The following XIRP2 variants were observed in gnomAD, a reference collection of about 807,000 sequenced individuals.
The protein encoded by XIRP2 is xin actin-binding repeat-containing protein 2.
XIRP2 carries 236 observed loss-of-function variants against 277.0 expected under a neutral mutation model. The observed-to-expected ratio is 0.85, with a 90% CI of 0.77 to 0.95. The LOEUF is 0.95. XIRP2 is among the 40% of genes least tolerant of loss of function. The pLI is 0.00. For missense variants in XIRP2, 4,640 were observed against 4,157.5 expected, an observed-to-expected ratio of 1.12 and a Z score of -3.19; for synonymous variants, 1,490 against 1,416.5, an observed-to-expected ratio of 1.05 and a Z score of -1.17.
rs769513593 is a variant in XIRP2, at chr2:167,247,366, G to T, written c.5974G>T (p.Gly1992Trp). Residue 1992 changes from glycine to tryptophan, a missense_variant, in exon 9 of 11, where the codon GGG becomes TGG. Gly to Trp is a radical substitution (Grantham distance 184, BLOSUM62 -2). Transcript: ENST00000409195. ...ATTTGAGCCAGCGGCCAAGTGGCAA[G>T]GGGGAGCAGATACTCTCAGTCAAAC... ...GPFEPAAKWQGGADTLSQTMG... is the reference protein window; with the variant it reads ...GPFEPAAKWQWGADTLSQTMG... The T allele has an allele frequency of 3.1e-6, 5 of 1,613,768 alleles. No homozygotes were observed. The highest frequency in any genetic ancestry group is 1.1e-5 in the South Asian group (1 of 91,078).
At chr2:167,097,386 G>A (rs1217000487) in intron 2 of XIRP2, among the ~76,000 whole-genome samples, 1 of 150,890 alleles carries the variant, frequency 6.6e-6, no homozygotes, top group African/African-American at 2.4e-5. Flanking sequence ...TTTTTGTTTT[G>A]TTTTGTTTTT....
At chr2:167,172,338 C>A (rs192366240) in intron 3 of XIRP2, among the ~76,000 whole-genome samples, 5 of 152,194 alleles carry the variant, frequency 3.3e-5, no homozygotes, top group South Asian at 2.1e-4. Flanking sequence ...ATCACAGGAC[C>A]GGGGCAAAAT....
intron 2 of XIRP2, among the ~76,000 whole-genome samples, chr2:167,031,593 C>A (rs1239149648): frequency 6.6e-6 from 1 of 152,126 alleles, no homozygotes; most frequent in Non-Finnish European, 1.5e-5. Flanking sequence ...AGCTGATAAG[C>A]ATTTTCAGCA....
chr2:167,034,048 T>C (rs1688439587), intron 2 of XIRP2, among the ~76,000 whole-genome samples: 1 of 152,108 alleles, frequency 6.6e-6, no homozygotes, highest in South Asian at 2.1e-4. Context: ...AAGAGGAAAC[T>C]GTCAGAAATA....
intron 1 of XIRP2, among the ~76,000 whole-genome samples, chr2:166,898,700 C>A (rs1038664690): frequency 6.6e-6 from 1 of 152,064 alleles, no homozygotes; most frequent in Non-Finnish European, 1.5e-5. Context: ...GTAACCACCA[C>A]AGCAATCAAG....
chr2:167,196,489 A>T (rs1251080225), intron 3 of XIRP2, among the ~76,000 whole-genome samples: 1 of 150,244 alleles, frequency 6.7e-6, no homozygotes, highest in Non-Finnish European at 1.5e-5. Flanking sequence ...TTGTGTGTCT[A>T]GTCACTTACC....
chr2:167,172,407 C>T (rs1321868397), intron 3 of XIRP2, among the ~76,000 whole-genome samples: 1 of 152,152 alleles, frequency 6.6e-6, no homozygotes, highest in African/African-American at 2.4e-5. Context: ...TATCAGGAGA[C>T]AGGGTTTGAG....
At chr2:167,082,928 G>C (rs1203754303) in intron 2 of XIRP2, among the ~76,000 whole-genome samples, 1 of 152,144 alleles carries the variant, frequency 6.6e-6, no homozygotes, top group African/African-American at 2.4e-5. Context: ...CTTTTGCTGT[G>C]CAGAAGCTCT....
intron 2 of XIRP2, among the ~76,000 whole-genome samples, chr2:166,938,057 A>G (rs1371670691): frequency 6.6e-6 from 1 of 152,038 alleles, no homozygotes; most frequent in East Asian, 1.9e-4. Flanking sequence ...TCCTGGATTC[A>G]TTGATTTTTT....
chr2:167,246,701 C>G lies in XIRP2; in HGVS notation c.5309C>G (p.Thr1770Arg). 2 of 1,613,600 alleles carry G rather than the reference C, an allele frequency of 1.2e-6. No homozygotes were observed. Among genetic ancestry groups the G allele is most frequent in the Non-Finnish European group, 1.7e-6 (2 of 1,179,776 alleles). Reference sequence around the variant, plus strand: ...CACACAGAGTCAAATGAAACACTGACAGCTAAGAAACAAGAAGGAGAGAAA... The same window carrying G: ...CACACAGAGTCAAATGAAACACTGAGAGCTAAGAAACAAGAAGGAGAGAAA... ...QLHTESNETL[T>R]AKKQEGEKEI... Residue 1770 changes from threonine (T) to arginine (R), a missense_variant, in exon 9 of 11, where the codon ACA becomes AGA. Coordinates refer to ENST00000409195, the MANE Select transcript of XIRP2 (RefSeq NM_152381.6).
chr2:166,940,216 C>T (rs892707635), intron 2 of XIRP2, among the ~76,000 whole-genome samples: 77 of 152,192 alleles, frequency 5.1e-4, no homozygotes, highest in African/African-American at 1.8e-3. Flanking sequence ...TCACTGATAC[C>T]CTTTCTTCCA....
chr2:167,087,095 T>C (rs1490072175), intron 2 of XIRP2, among the ~76,000 whole-genome samples: 1 of 151,682 alleles, frequency 6.6e-6, no homozygotes, highest in Non-Finnish European at 1.5e-5. Context: ...TGGTCTTTGA[T>C]GATGGTGATG....
intron 2 of XIRP2, among the ~76,000 whole-genome samples, chr2:166,928,144 T>C (rs183933110): frequency 7.6e-4 from 115 of 152,254 alleles, no homozygotes; most frequent in Admixed American, 9.2e-4. Flanking sequence ...CTGAGGTTTG[T>C]TGCTGTAGGG....
At position 167,244,107 on chromosome 2, in the gene XIRP2, A is replaced by T. The variant is rs1039322185; in HGVS notation, c.2715A>T (p.Glu905Asp). 12 of 1,613,890 alleles carry T rather than the reference A, an allele frequency of 7.4e-6. No individual in the cohort carries two copies. Among genetic ancestry groups the T allele is most frequent in the Non-Finnish European group, 7.6e-6 (9 of 1,179,944 alleles). ...AAAAAATCACTGCCTCTGAAGAAGA[A>T]AAAGGGGATGTTAGGCATCAAAAAT... is the stretch of plus-strand genomic sequence containing the variant. ...KLQKITASEEEKGDVRHQKWI... is the reference protein window; with the variant it reads ...KLQKITASEEDKGDVRHQKWI... The change falls in exon 9 of 11, where the codon GAA becomes GAT. Residue 905 changes from glutamate (E) to aspartate (D), a missense_variant. By Grantham distance (45) the Glu-to-Asp change is conservative. Transcript: ENST00000409195.
intron 2 of XIRP2, among the ~76,000 whole-genome samples, chr2:166,927,296 T>C (rs1685213658): frequency 6.6e-6 from 1 of 152,136 alleles, no homozygotes; most frequent in Non-Finnish European, 1.5e-5. Context: ...CTATTGCTGC[T>C]GTAACAAAAT....
chr2:166,928,651 CT>C (rs1455405702), intron 2 of XIRP2, among the ~76,000 whole-genome samples: 3 of 152,194 alleles, frequency 2.0e-5, no homozygotes, highest in African/African-American at 4.8e-5. Context: ...AATTTCTTAT[CT>C]TTTGTGATTT....
intron 5 of XIRP2, among the ~76,000 whole-genome samples, chr2:167,219,360 A>G (rs1161507631): frequency 6.6e-6 from 1 of 152,218 alleles, no homozygotes; most frequent in African/African-American, 2.4e-5. Flanking sequence ...GGAGTCTTTG[A>G]GTGTAGATGT....
chr2:166,901,556 T>C (rs1684388076), intron 1 of XIRP2, among the ~76,000 whole-genome samples: 1 of 152,074 alleles, frequency 6.6e-6, no homozygotes, highest in South Asian at 2.1e-4. Context: ...CCTTTCCAAC[T>C]ATGTGTGGTT....
intron 2 of XIRP2, among the ~76,000 whole-genome samples, chr2:167,041,018 T>C (rs1688646993): frequency 6.6e-6 from 1 of 152,136 alleles, no homozygotes; most frequent in African/African-American, 2.4e-5. Flanking sequence ...CATCACAGTG[T>C]TGTTGCCAGC....
Sources: gnomAD v4.1 joint callset for allele counts (sites outside exome capture counted in the v4.1 genomes callset) on GRCh38, gnomAD v4.1.1 for gene constraint, MANE v1.5 for transcripts, NCBI Gene and HGNC (gene_info 2026-07-23, HGNC 2026-07-21) for gene names.